The following EPHA6 variants were observed in gnomAD, a reference collection of about 807,000 sequenced individuals.
EPHA6 encodes EPH receptor A6.
In EPHA6, 50 loss-of-function variants were observed where a neutral mutation model predicts 112.0. The observed-to-expected ratio is 0.45, with a 90% confidence interval of 0.36 to 0.56. EPHA6 has a LOEUF of 0.56. EPHA6 is among the 20% of genes least tolerant of loss of function. The probability of loss-of-function intolerance (pLI) is 0.00; values close to 1 mark genes in which losing one functional copy is unlikely to be tolerated. For synonymous variants in EPHA6, 529 were observed against 490.7 expected, an observed-to-expected ratio of 1.08 and a Z score of -1.03; for missense variants, 1,280 against 1,417.4, an observed-to-expected ratio of 0.90 and a Z score of 1.56.
At chr3:97,580,844 A>C (rs2093430781) in intron 11 of EPHA6, among the ~76,000 whole-genome samples, 1 of 152,244 alleles carries the variant, frequency 6.6e-6, no homozygotes, top group Non-Finnish European at 1.5e-5. Context: ...AAGTTACTTG[A>C]AACTGTATAA....
Position 97,151,875 on chromosome 3 carries a change from G to A in EPHA6, c.1115-74389G>A, listed in dbSNP as rs565856867. Among the ~76,000 whole-genome samples, 8 of 151,892 alleles carry A rather than the reference G, an allele frequency of 5.3e-5. No homozygotes were observed. In the South Asian group the frequency reaches 1.7e-3, roughly 32 times the overall value. ...TTATATTATTTTAAATCAGTATTAAGTATGTATCGTAGTAATTATATAGTA... is the reference window on the plus strand; with the variant it reads ...TTATATTATTTTAAATCAGTATTAAATATGTATCGTAGTAATTATATAGTA... On this transcript the variant is annotated intron_variant, in intron 3 of 17. Coordinates refer to ENST00000389672, the MANE Select transcript of EPHA6 (RefSeq NM_001080448.3).
At chr3:97,536,403 A>G (rs1303576512) in intron 11 of EPHA6, among the ~76,000 whole-genome samples, 2 of 152,190 alleles carry the variant, frequency 1.3e-5, no homozygotes, top group Admixed American at 1.3e-4. Context: ...CAACAACTAA[A>G]TTTAGATATG....
intron 11 of EPHA6, among the ~76,000 whole-genome samples, chr3:97,581,996 C>A (rs1260277506): frequency 6.6e-6 from 1 of 152,076 alleles, no homozygotes; most frequent in Non-Finnish European, 1.5e-5. Flanking sequence ...GATTCTGAAG[C>A]TGTTCTTTTT....
chr3:97,135,686 A>G (rs947666174), intron 3 of EPHA6, among the ~76,000 whole-genome samples: 1 of 151,700 alleles, frequency 6.6e-6, no homozygotes, highest in African/African-American at 2.4e-5. Flanking sequence ...GGTGATGCCC[A>G]TACTGCTGGT....
chr3:97,272,102 T>A (rs1324472085), intron 5 of EPHA6, among the ~76,000 whole-genome samples: 2 of 152,206 alleles, frequency 1.3e-5, no homozygotes, highest in Admixed American at 1.3e-4. Context: ...CCTCCACTCC[T>A]GGTAATCCCT....
At chr3:97,381,328 G>A (rs1021526033) in intron 5 of EPHA6, among the ~76,000 whole-genome samples, 1 of 151,986 alleles carries the variant, frequency 6.6e-6, no homozygotes, top group Admixed American at 6.6e-5. Flanking sequence ...CACTGAGCTA[G>A]TCACTTAACT....
chr3:97,507,026 A>T (rs888346662), intron 10 of EPHA6, among the ~76,000 whole-genome samples: 4 of 152,196 alleles, frequency 2.6e-5, no homozygotes, highest in Admixed American at 1.3e-4. Context: ...GTATCCTGGG[A>T]CTTTGCTGAA....
At chr3:96,885,795 G>A (rs1224522391) in intron 2 of EPHA6, among the ~76,000 whole-genome samples, 1 of 151,754 alleles carries the variant, frequency 6.6e-6, no homozygotes, top group African/African-American at 2.4e-5. Context: ...TGTTTCTCTA[G>A]TTCCTAGAGG....
intron 7 of EPHA6, among the ~76,000 whole-genome samples, chr3:97,467,670 G>A (rs987625394): frequency 1.3e-5 from 2 of 151,704 alleles, no homozygotes; most frequent in Non-Finnish European, 3.0e-5. Context: ...TGAGAAAAAT[G>A]TTCTCAAGAC....
intron 5 of EPHA6, among the ~76,000 whole-genome samples, chr3:97,365,667 C>A (rs112421963): frequency 6.6e-6 from 1 of 152,134 alleles, no homozygotes; most frequent in African/African-American, 2.4e-5. Flanking sequence ...GGATTACAGG[C>A]GTCAGCCACC....
At chr3:97,235,493 C>T (rs941591808) in intron 4 of EPHA6, among the ~76,000 whole-genome samples, 3 of 152,046 alleles carry the variant, frequency 2.0e-5, no homozygotes, top group Admixed American at 6.6e-5. Context: ...CTATCCATTC[C>T]TTCTTGTAAA....
At chr3:97,075,767 C>T (rs1169029144) in intron 3 of EPHA6, among the ~76,000 whole-genome samples, 1 of 151,190 alleles carries the variant, frequency 6.6e-6, no homozygotes, top group African/African-American at 2.4e-5. Context: ...TGCGTTGGCT[C>T]AATTTTTCAA....
At chr3:97,358,264 T>G (rs954370153) in intron 5 of EPHA6, among the ~76,000 whole-genome samples, 2 of 152,110 alleles carry the variant, frequency 1.3e-5, no homozygotes, top group Non-Finnish European at 2.9e-5. Context: ...TGGTGGTTAT[T>G]ATGGGCATTA....
chr3:97,287,857 G>T (rs72924475), intron 5 of EPHA6, among the ~76,000 whole-genome samples: 1,593 of 152,104 alleles, frequency 0.01, 31 homozygotes, highest in African/African-American at 0.035. Flanking sequence ...AGGAATATTG[G>T]TCTGTAGTTT....
chr3:97,311,666 C>G (rs1034757797), intron 5 of EPHA6, among the ~76,000 whole-genome samples: 2 of 151,532 alleles, frequency 1.3e-5, no homozygotes, highest in Non-Finnish European at 3.0e-5. Flanking sequence ...CATTCAATAC[C>G]ACACTGACTT....
intron 3 of EPHA6, among the ~76,000 whole-genome samples, chr3:97,219,800 A>G (rs2078139435): frequency 1.3e-5 from 2 of 152,206 alleles, no homozygotes; most frequent in South Asian, 4.1e-4. Flanking sequence ...CTCCCCAGAA[A>G]ATGGGTTTTT....
At position 97,472,920 on chromosome 3, in the gene EPHA6, G is replaced by A. The variant is rs554898817; in HGVS notation, c.1895-2432G>A. Among the ~76,000 whole-genome samples, 69 of 151,082 alleles carry A rather than the reference G, an allele frequency of 4.6e-4. No individual in the cohort carries two copies. In the South Asian group the frequency reaches 0.012, roughly 26 times the overall value. ...ATCGGCAAAAAGAAGTTGGATTGCC[G>A]GCTTTCCCTTGACAAGATATGTAAC... On this transcript the variant is annotated intron_variant, in intron 7 of 17. Coordinates refer to ENST00000389672, the MANE Select transcript of EPHA6 (RefSeq NM_001080448.3).
intron 5 of EPHA6, among the ~76,000 whole-genome samples, chr3:97,367,176 T>C (rs984145763): frequency 6.6e-6 from 1 of 152,206 alleles, no homozygotes; most frequent in Admixed American, 6.5e-5. Flanking sequence ...TAAAATAGCT[T>C]TGAAATCTAT....
intron 14 of EPHA6, among the ~76,000 whole-genome samples, chr3:97,646,740 G>T (rs1341660990): frequency 6.6e-6 from 1 of 152,050 alleles, no homozygotes; most frequent in African/African-American, 2.4e-5. Flanking sequence ...GTACCTATTT[G>T]CCAAAATCCA....
Sources: allele counts gnomAD v4.1 joint callset (sites outside exome capture counted in the v4.1 genomes callset), GRCh38; gene constraint gnomAD v4.1.1; transcripts MANE v1.5; gene names NCBI Gene and HGNC (gene_info 2026-07-23, HGNC 2026-07-21).